RALGAPA1: variants seen among roughly 807,000 people sequenced by gnomAD.
RALGAPA1 encodes the protein Ral GTPase activating protein catalytic subunit alpha 1.
In RALGAPA1, 52 loss-of-function variants were observed where a neutral mutation model predicts 269.6. The ratio of observed to expected loss-of-function variants is 0.19; its 90% CI spans 0.15 to 0.24. RALGAPA1 has a LOEUF of 0.24. RALGAPA1 is among the 10% of genes least tolerant of loss of function. The pLI is 1.00. For synonymous variants in RALGAPA1, 817 were observed against 1,008.3 expected, an observed-to-expected ratio of 0.81 and a Z score of 3.60; for missense variants, 1,917 against 3,013.9, an observed-to-expected ratio of 0.64 and a Z score of 8.52.
At chr14:35,792,831 G>GAAAA (rs2076286518) in intron 1 of RALGAPA1, among the ~76,000 whole-genome samples, 1 of 114,450 alleles carries the variant, frequency 8.7e-6, no homozygotes, top group East Asian at 2.5e-4. Flanking sequence ...AAGAAAGAAA[G>GAAAA]AAAGAAAGAA....
chr14:35,719,668 A>G (rs2069187628), intron 16 of RALGAPA1, among the ~76,000 whole-genome samples: 1 of 152,190 alleles, frequency 6.6e-6, no homozygotes, highest in African/African-American at 2.4e-5. Context: ...AATTACTTCT[A>G]TAATCAGAAA....
At chr14:35,719,314 A>T (rs552358910) in intron 16 of RALGAPA1, among the ~76,000 whole-genome samples, 3 of 152,310 alleles carry the variant, frequency 2.0e-5, no homozygotes, top group Non-Finnish European at 4.4e-5. Context: ...TGACTGTCTC[A>T]GAAAGAAAAA....
At chr14:35,777,349 T>C (rs571755576) in intron 1 of RALGAPA1, among the ~76,000 whole-genome samples, 80 of 152,312 alleles carry the variant, frequency 5.3e-4, no homozygotes, top group South Asian at 1.9e-3. Flanking sequence ...CTTATGCATA[T>C]GTATATGTAT....
At chr14:35,680,707 C>A (rs950375929) in intron 21 of RALGAPA1, among the ~76,000 whole-genome samples, 1 of 151,016 alleles carries the variant, frequency 6.6e-6, no homozygotes, top group Non-Finnish European at 1.5e-5. Flanking sequence ...CTCTGCCTCC[C>A]GGGTTCACAC....
At chr14:35,703,309 A>G (rs1180108475) in intron 16 of RALGAPA1, among the ~76,000 whole-genome samples, 2 of 152,126 alleles carry the variant, frequency 1.3e-5, no homozygotes, top group African/African-American at 4.8e-5. Context: ...CCATCTCTAC[A>G]AAAAACAAAA....
chr14:35,680,863 C>T (rs2065377098), intron 21 of RALGAPA1, among the ~76,000 whole-genome samples: 1 of 152,124 alleles, frequency 6.6e-6, no homozygotes, highest in Non-Finnish European at 1.5e-5. Context: ...ATCCACCCGC[C>T]TCGGCCTTCC....
chr14:35,574,778 A>G (rs759577076), intron 37 of RALGAPA1, among the ~76,000 whole-genome samples: 2 of 152,150 alleles, frequency 1.3e-5, no homozygotes, highest in African/African-American at 2.4e-5. Flanking sequence ...GACAAACTTT[A>G]TATATTATTT....
At chr14:35,576,051 T>A (rs530985168) in intron 37 of RALGAPA1, among the ~76,000 whole-genome samples, 1 of 152,252 alleles carries the variant, frequency 6.6e-6, no homozygotes, top group Non-Finnish European at 1.5e-5. Flanking sequence ...CTAATATATA[T>A]CTTACCTTTC....
In RALGAPA1 at chr14:35,700,195, T is replaced by C; in HGVS notation, c.2374A>G (p.Ile792Val). 1 of 1,535,130 alleles carries C rather than the reference T, an allele frequency of 6.5e-7. No individual in the cohort carries two copies. The highest frequency in any genetic ancestry group is 8.7e-7 in the Non-Finnish European group (1 of 1,146,602). ...TCATCAGAAAGGGGAGTGAGAACAA[T>C]ATCAGGCAAGAAGGGTTTGGAAGTA... Reference protein sequence around the residue: ...IHTSKPFLPDIVLTPLSDELS... With the variant: ...IHTSKPFLPDVVLTPLSDELS... The change falls in exon 17 of 42, where the codon ATT (isoleucine) becomes GTT (valine). Residue 792 changes from isoleucine to valine, a missense_variant. By Grantham distance (29) the Ile-to-Val change is conservative. Transcript: ENST00000680220.
At chr14:35,552,734 AAT>A (rs1328624061) in intron 39 of RALGAPA1, among the ~76,000 whole-genome samples, 4 of 149,592 alleles carry the variant, frequency 2.7e-5, no homozygotes, top group Admixed American at 6.6e-5. Context: ...AAAAAAAAAA[AAT>A]AACACACAGG....
At chr14:35,728,735 C>CT (rs755979931) in intron 12 of RALGAPA1, among the ~76,000 whole-genome samples, 225 of 141,426 alleles carry the variant, frequency 1.6e-3, no homozygotes, top group Middle Eastern at 7.4e-3. Context: ...GTATTTCTTT[C>CT]TTTTTTTTTT....
intron 41 of RALGAPA1, among the ~76,000 whole-genome samples, chr14:35,542,916 A>C (rs995665163): frequency 8.5e-5 from 13 of 152,256 alleles, no homozygotes; most frequent in African/African-American, 2.7e-4. Flanking sequence ...TAGGGATTAT[A>C]AGAGGGAGCT....
At chr14:35,723,383 T>G in intron 14 of RALGAPA1, 119 bp from the exon 15 acceptor site, 1 of 594,988 alleles carries the variant, frequency 1.7e-6, no homozygotes, top group Non-Finnish European at 3.0e-6. Context: ...TCGCATGCTT[T>G]TTTTAATAGA....
At chr14:35,630,927 A>T (rs2061322179) in intron 33 of RALGAPA1, among the ~76,000 whole-genome samples, 1 of 152,138 alleles carries the variant, frequency 6.6e-6, no homozygotes, top group Admixed American at 6.6e-5. Flanking sequence ...TGAAATTTTT[A>T]AAAGTTATTT....
intron 1 of RALGAPA1, among the ~76,000 whole-genome samples, chr14:35,794,865 GAT>G (rs2076447550): frequency 6.6e-6 from 1 of 152,122 alleles, no homozygotes; most frequent in Non-Finnish European, 1.5e-5. Context: ...TACTCAGAAA[GAT>G]ATTTCTTTGT....
At chr14:35,687,515 C>G (rs1159509576) in intron 18 of RALGAPA1, among the ~76,000 whole-genome samples, 2 of 152,140 alleles carry the variant, frequency 1.3e-5, no homozygotes, top group Admixed American at 6.5e-5. Flanking sequence ...AAATACTGCC[C>G]TCAGGTGGCA....
chr14:35,545,858 A>T (rs2054411267), intron 41 of RALGAPA1, among the ~76,000 whole-genome samples: 1 of 152,174 alleles, frequency 6.6e-6, no homozygotes, highest in Non-Finnish European at 1.5e-5. Flanking sequence ...TAATCTGGCC[A>T]AGAAGAGCAG....
chr14:35,808,268 C>G (rs193264750), intron 1 of RALGAPA1, among the ~76,000 whole-genome samples: 4 of 152,244 alleles, frequency 2.6e-5, no homozygotes, highest in Admixed American at 6.5e-5. Flanking sequence ...TTTTGGGAAC[C>G]GCCCACTTCC....
intron 26 of RALGAPA1, among the ~76,000 whole-genome samples, chr14:35,666,065 G>T (rs1410307461): frequency 6.6e-6 from 1 of 151,424 alleles, no homozygotes; most frequent in African/African-American, 2.4e-5. Context: ...GTGCAGGCTG[G>T]AGTACAGTGG....
Sources: allele counts gnomAD v4.1 joint callset (sites outside exome capture counted in the v4.1 genomes callset), GRCh38; gene constraint gnomAD v4.1.1; transcripts MANE v1.5; gene names NCBI Gene and HGNC (gene_info 2026-07-23, HGNC 2026-07-21).